The following CEP43 variants were observed in gnomAD, a reference collection of about 807,000 sequenced individuals.
The protein encoded by CEP43 is centrosomal protein 43.
A neutral mutation model predicts 52.6 loss-of-function variants in CEP43; 36 were observed. The ratio of observed to expected loss-of-function variants is 0.68; its 90% CI spans 0.52 to 0.90. The LOEUF is 0.90. Among genes scored for constraint, CEP43 ranks in the 40% least tolerant of loss-of-function variants. The probability of loss-of-function intolerance (pLI) is 0.00; values close to 1 mark genes in which losing one functional copy is unlikely to be tolerated. For synonymous variants in CEP43, 192 were observed against 172.4 expected (o/e 1.11, Z -0.89); for missense variants, 506 against 472.8 (o/e 1.07, Z -0.65).
intron 2 of CEP43, among the ~76,000 whole-genome samples, chr6:167,000,662 C>T (rs941339342): frequency 1.3e-5 from 2 of 152,232 alleles, no homozygotes; most frequent in Non-Finnish European, 2.9e-5. Context: ...GCCTTAAACT[C>T]TTGCTGTATG....
chr6:167,041,719 G>T lies in CEP43; in HGVS notation c.*1741G>T. The T allele has an allele frequency of 9.7e-7, 1 of 1,030,128 alleles. No homozygotes were observed. The highest frequency in any genetic ancestry group is 6.2e-5 in the East Asian group (1 of 16,002). The allele number at this position is 1,030,128 out of a possible 1,614,324, so 63.8% of individuals were successfully genotyped here. On this transcript the variant is annotated 3_prime_UTR_variant, in exon 13 of 13. Coordinates refer to ENST00000366847, the MANE Select transcript of CEP43 (RefSeq NM_007045.4). Reference sequence around the variant, plus strand: ...TTTCGAACAGTAGCAACTGAAATTTGTCACTTTTCTGTTACGCAGAGAATC... The same window carrying T: ...TTTCGAACAGTAGCAACTGAAATTTTTCACTTTTCTGTTACGCAGAGAATC...
At chr6:167,003,587 T>C in intron 3 of CEP43, 136 bp from the exon 4 acceptor site, 2 of 601,498 alleles carry the variant, frequency 3.3e-6, no homozygotes, top group South Asian at 2.3e-5. Context: ...AATCATATTA[T>C]TCAAAGAGGA....
intron 7 of CEP43, among the ~76,000 whole-genome samples, chr6:167,014,438 G>A (rs1272534209): frequency 1.3e-5 from 2 of 152,162 alleles, no homozygotes; most frequent in African/African-American, 4.8e-5. Context: ...AGCTGCTTAT[G>A]AAATTTAAAT....
intron 7 of CEP43, among the ~76,000 whole-genome samples, chr6:167,020,345 A>T (rs1198904859): frequency 6.6e-6 from 1 of 152,196 alleles, no homozygotes; most frequent in Non-Finnish European, 1.5e-5. Context: ...ACTAGTCAAG[A>T]CCTCTACCTG....
chr6:167,010,317 A>G (rs1227355596), intron 5 of CEP43, among the ~76,000 whole-genome samples: 1 of 152,026 alleles, frequency 6.6e-6, no homozygotes, highest in Admixed American at 6.5e-5. Context: ...GGTACTTACC[A>G]TTTTGGAAAA....
In CEP43 at chr6:166,999,460, G is replaced by C. The variant is rs928320988; in HGVS notation, c.48G>C (p.Leu16=). The part of the protein sequence containing the change: ...AAVVAEEDTE[L]RDLLVQTLEN... Reference sequence around the variant, plus strand: ...TGGTGGCCGAGGAGGACACGGAGCTGCGGGACCTGCTGGTGCAGACGCTGG... The same window carrying C: ...TGGTGGCCGAGGAGGACACGGAGCTCCGGGACCTGCTGGTGCAGACGCTGG... Residue 16 remains leucine, a synonymous_variant, in exon 1 of 13, where the codon CTG becomes CTC. Coordinates refer to ENST00000366847, the MANE Select transcript of CEP43 (RefSeq NM_007045.4). The C allele has an allele frequency of 6.7e-7, 1 of 1,484,950 alleles. No homozygotes were observed. 92.0% of individuals were successfully genotyped at this position (1,484,950 alleles called of 1,614,324 possible).
At chr6:167,025,560 G>T (rs1286925051) in intron 9 of CEP43, among the ~76,000 whole-genome samples, 2 of 152,222 alleles carry the variant, frequency 1.3e-5, no homozygotes, top group African/African-American at 2.4e-5. Flanking sequence ...TTTTGAGAAA[G>T]TTTCCTAAAG....
rs773960958 is a variant in CEP43 at position 167,042,344 on chromosome 6, T to C, written c.*2366T>C. On this transcript the variant is annotated 3_prime_UTR_variant, in exon 13 of 13. Coordinates refer to ENST00000366847, the MANE Select transcript of CEP43 (RefSeq NM_007045.4). ...TAACCTATGTTTTACAGTGGAGTTT[T>C]AAAAATGCTAGGTCTTTCTTTCATT... 33 of 978,792 alleles carry C rather than the reference T, an allele frequency of 3.4e-5. No individual in the cohort carries two copies. Among genetic ancestry groups the C allele is most frequent in the Admixed American group, 1.8e-4 (3 of 16,644 alleles). The allele number at this position is 978,792 out of a possible 1,614,324, so 60.6% of individuals were successfully genotyped here. A position where few individuals can be genotyped will look rare whatever the true frequency, so the allele number is the denominator to read the frequency against.
At chr6:167,015,954 A>C (rs1038473690) in intron 7 of CEP43, among the ~76,000 whole-genome samples, 7 of 152,174 alleles carry the variant, frequency 4.6e-5, no homozygotes, top group African/African-American at 1.7e-4. Flanking sequence ...CATTTTAAAA[A>C]TGAATTAATA....
rs1287317663 is a variant in CEP43, at chr6:167,046,102, A to G, written c.*6124A>G. 1 of 152,174 alleles carries G rather than the reference A, an allele frequency of 6.6e-6. No homozygotes were observed. Among genetic ancestry groups the G allele is most frequent in the Non-Finnish European group, 1.5e-5 (1 of 68,050 alleles). 9.4% of individuals were successfully genotyped at this position (152,174 alleles called of 1,614,324 possible). A position where few individuals can be genotyped will look rare whatever the true frequency, so the allele number is the denominator to read the frequency against. ...CCCTCTAGTTTTCTCTTTACATTTT[A>G]ACATACACTATTATGTGTCAATATA... On this transcript the variant is annotated 3_prime_UTR_variant, in exon 13 of 13. Coordinates refer to ENST00000366847, the MANE Select transcript of CEP43 (RefSeq NM_007045.4).
chr6:167,008,373 TGTA>T (rs1583271032), intron 5 of CEP43, among the ~76,000 whole-genome samples: 1 of 152,204 alleles, frequency 6.6e-6, no homozygotes, highest in Admixed American at 6.5e-5. Flanking sequence ...CTGTCAAAGT[TGTA>T]GTAGTGATCT....
chr6:167,006,287 T>C (rs1415488438), intron 5 of CEP43, among the ~76,000 whole-genome samples: 1 of 152,032 alleles, frequency 6.6e-6, no homozygotes, highest in Non-Finnish European at 1.5e-5. Context: ...GAGGCCGAGG[T>C]GGGCGAATCA....
At position 167,040,288 on chromosome 6, in the gene CEP43, A is replaced by G. The variant is rs2128669152; in HGVS notation, c.*310A>G. 1 of 1,464,430 alleles carries G rather than the reference A, an allele frequency of 6.8e-7. No homozygotes were observed. Among genetic ancestry groups the G allele is most frequent in the Non-Finnish European group, 8.9e-7 (1 of 1,117,812 alleles). 90.7% of individuals were successfully genotyped at this position (1,464,430 alleles called of 1,614,324 possible). A position where few individuals can be genotyped will look rare whatever the true frequency, so the allele number is the denominator to read the frequency against. ...ACATCAGTGTTAAGAGCATGATGAAAGGTGTCAATAAAGCCGTAGGATCGC... is the reference window on the plus strand; with the variant it reads ...ACATCAGTGTTAAGAGCATGATGAAGGGTGTCAATAAAGCCGTAGGATCGC... On this transcript the variant is annotated 3_prime_UTR_variant, in exon 13 of 13. Coordinates refer to ENST00000366847, the MANE Select transcript of CEP43 (RefSeq NM_007045.4).
chr6:167,021,922 T>G (rs529450649), intron 7 of CEP43, among the ~76,000 whole-genome samples: 1 of 152,360 alleles, frequency 6.6e-6, no homozygotes, highest in African/African-American at 2.4e-5. Context: ...TGATGACTAC[T>G]TTAATGCTTG....
intron 6 of CEP43, among the ~76,000 whole-genome samples, chr6:167,013,077 A>C (rs1780020074): frequency 6.6e-6 from 1 of 152,200 alleles, no homozygotes; most frequent in African/African-American, 2.4e-5. Context: ...GGGCCCACGG[A>C]GAATGCTAGA....
In CEP43 at chr6:167,042,164, A is replaced by C. The variant is rs961004383; in HGVS notation, c.*2186A>C. ...ATGATTTTGAATGACTTAAAGTTCA[A>C]CTATGAAAAAGCTTTCTTTTCACAT... On this transcript the variant is annotated 3_prime_UTR_variant, in exon 13 of 13. Coordinates refer to ENST00000366847, the MANE Select transcript of CEP43 (RefSeq NM_007045.4). 4 of 1,008,454 alleles carry C rather than the reference A, an allele frequency of 4.0e-6. No homozygotes were observed. The highest frequency in any genetic ancestry group is 4.7e-6 in the Non-Finnish European group (4 of 843,114). The allele number at this position is 1,008,454 out of a possible 1,614,324, so 62.5% of individuals were successfully genotyped here.
rs1365795688 is a variant in CEP43, at chr6:167,041,150, A to G, written c.*1172A>G. ...TTAACTTTATTAGTAAAAGGAGCAA[A>G]TTAGACCTAATTCATTGATCTCGGT... is the stretch of plus-strand genomic sequence containing the variant. On this transcript the variant is annotated 3_prime_UTR_variant, in exon 13 of 13. Transcript: ENST00000366847. 1 of 1,044,490 alleles carries G rather than the reference A, an allele frequency of 9.6e-7. No homozygotes were observed. Among genetic ancestry groups the G allele is most frequent in the Non-Finnish European group, 1.2e-6 (1 of 866,284 alleles). 64.7% of individuals were successfully genotyped at this position (1,044,490 alleles called of 1,614,324 possible). A position where few individuals can be genotyped will look rare whatever the true frequency, so the allele number is the denominator to read the frequency against.
At chr6:167,014,075 A>G (rs1160303715) in intron 7 of CEP43, among the ~76,000 whole-genome samples, 1 of 152,216 alleles carries the variant, frequency 6.6e-6, no homozygotes, top group East Asian at 1.9e-4. Flanking sequence ...CCATGCTCTC[A>G]GTTTTACTTT....
chr6:167,032,773 G>A (rs1026165313), intron 11 of CEP43, 131 bp downstream of exon 11: 37 of 802,832 alleles, frequency 4.6e-5, no homozygotes, highest in Non-Finnish European at 6.5e-5. Flanking sequence ...ATTGATTGAA[G>A]ATGAAGAAAA....
Sources: allele counts gnomAD v4.1 joint callset (sites outside exome capture counted in the v4.1 genomes callset), GRCh38; gene constraint gnomAD v4.1.1; transcripts MANE v1.5; gene names NCBI Gene and HGNC (gene_info 2026-07-23, HGNC 2026-07-21).